The following DHX57 variants were observed in gnomAD, a reference collection of about 807,000 sequenced individuals.
DHX57 encodes the protein DExH-box helicase 57.
Under a neutral mutation model 156.2 loss-of-function variants are expected in DHX57, and 105 were observed. The ratio of observed to expected loss-of-function variants is 0.67; its 90% CI spans 0.57 to 0.79. The LOEUF is 0.79. DHX57 is among the 30% of genes least tolerant of loss of function. The pLI is 0.00. For synonymous variants in DHX57, 704 were observed against 595.6 expected (o/e 1.18, Z -2.65); for missense variants, 1,847 against 1,661.9 (o/e 1.11, Z -1.94).
At chr2:38,870,335 A>C (rs1276815300) in intron 1 of DHX57, among the ~76,000 whole-genome samples, 1 of 152,240 alleles carries the variant, frequency 6.6e-6, no homozygotes, top group African/African-American at 2.4e-5. Context: ...TGATTCATTA[A>C]AAATCAATAA....
chr2:38,818,762 T>C, intron 19 of DHX57, 115 bp downstream of exon 19: 2 of 1,219,396 alleles, frequency 1.6e-6, no homozygotes, highest in Middle Eastern at 2.0e-4. Flanking sequence ...AGGCCAAACA[T>C]ATTCCAGAAA....
At chr2:38,804,832 T>A (rs1669866073) in intron 22 of DHX57, among the ~76,000 whole-genome samples, 1 of 152,200 alleles carries the variant, frequency 6.6e-6, no homozygotes, top group Non-Finnish European at 1.5e-5. Context: ...TTGTTTCTCA[T>A]CCCGGAGTTC....
chr2:38,864,122 T>C (rs1193461805), intron 2 of DHX57, among the ~76,000 whole-genome samples: 1 of 151,936 alleles, frequency 6.6e-6, no homozygotes, highest in Non-Finnish European at 1.5e-5. Context: ...CTCTGCACTA[T>C]AGGACATGAA....
chr2:38,834,398 T>C (rs1382516288), intron 13 of DHX57, among the ~76,000 whole-genome samples: 1 of 150,858 alleles, frequency 6.6e-6, no homozygotes, highest in Admixed American at 6.6e-5. Flanking sequence ...TAATACAGTA[T>C]ACTACTGTAA....
intron 13 of DHX57, among the ~76,000 whole-genome samples, chr2:38,831,153 C>T (rs956362035): frequency 3.3e-5 from 5 of 151,578 alleles, no homozygotes; most frequent in Admixed American, 6.6e-5. Flanking sequence ...CATTAAACAA[C>T]GATGAAACAT....
intron 21 of DHX57, among the ~76,000 whole-genome samples, chr2:38,808,948 C>A (rs1196525973): frequency 6.6e-6 from 1 of 151,916 alleles, no homozygotes; most frequent in East Asian, 1.9e-4. Flanking sequence ...GGGATAGGGT[C>A]TCTCTGTGTT....
rs758018611 is a variant in DHX57 at position 38,798,058 on chromosome 2, C to T, written c.*241G>A. ...TCCAGAACAATCACAGAGACAAAGA[C>T]AGGCAAGCTGGGTTTTAGGCTCTCA... On this transcript the variant is annotated 3_prime_UTR_variant, in exon 24 of 24. Coordinates refer to ENST00000457308, the MANE Select transcript of DHX57 (RefSeq NM_198963.3). The T allele has an allele frequency of 4.7e-5, 19 of 403,680 alleles. No individual in the cohort carries two copies. The highest frequency in any genetic ancestry group is 8.2e-5 in the Non-Finnish European group (18 of 218,344). 25.0% of individuals were successfully genotyped at this position (403,680 alleles called of 1,614,324 possible).
intron 19 of DHX57, among the ~76,000 whole-genome samples, chr2:38,817,403 C>T (rs759698689): frequency 2.0e-5 from 3 of 152,172 alleles, no homozygotes; most frequent in Non-Finnish European, 2.9e-5. Context: ...AAACCTTCAT[C>T]TCCTGGGTTC....
chr2:38,826,810 C>T, intron 14 of DHX57, 121 bp from the exon 15 acceptor site: 1 of 1,076,764 alleles, frequency 9.3e-7, no homozygotes, highest in East Asian at 2.6e-5. Context: ...TCTCCACAAC[C>T]TGTCCTCAGA....
At chr2:38,862,999 A>G (rs1233179136) in intron 3 of DHX57, 1 of 173,002 alleles carries the variant, frequency 5.8e-6, no homozygotes, top group Admixed American at 5.9e-5. Context: ...GCAGACAGTC[A>G]TGACAAGCAA....
intron 13 of DHX57, among the ~76,000 whole-genome samples, chr2:38,835,755 G>A (rs867958275): frequency 1.6e-4 from 24 of 152,270 alleles, no homozygotes; most frequent in South Asian, 8.3e-4. Flanking sequence ...GAAAAAGTGC[G>A]AAAGCCATCA....
At chr2:38,875,366 T>C (rs1665558266) in intron 1 of DHX57, among the ~76,000 whole-genome samples, 1 of 152,112 alleles carries the variant, frequency 6.6e-6, no homozygotes, top group Non-Finnish European at 1.5e-5. Flanking sequence ...CTGATCACAA[T>C]ATATCCAGCT....
chr2:38,869,881 G>T (rs763395442), intron 1 of DHX57, among the ~76,000 whole-genome samples: 7 of 152,092 alleles, frequency 4.6e-5, no homozygotes, highest in Non-Finnish European at 8.8e-5. Context: ...AGATTTAACA[G>T]AAAAGGAGTT....
intron 5 of DHX57, among the ~76,000 whole-genome samples, chr2:38,860,353 G>T (rs763317155): frequency 6.6e-6 from 1 of 152,184 alleles, no homozygotes; most frequent in East Asian, 1.9e-4. Context: ...GGAGGCTGAG[G>T]CAGGAGAATC....
At position 38,852,192 on chromosome 2, in the gene DHX57, C is replaced by CA. The variant is rs1553333617; in HGVS notation, c.2030+1861_2030+1862insT. Among the ~76,000 whole-genome samples the CA allele has an allele frequency of 1.4e-3, 196 of 143,716 alleles. 1 individual carries two copies. The highest frequency in any genetic ancestry group is 9.8e-3 in the East Asian group (49 of 5,004). The allele number at this position is 143,716 out of a possible 152,430, so 94.3% of individuals were successfully genotyped here. On this transcript the variant is annotated intron_variant, in intron 9 of 23. Transcript: ENST00000457308. ...GTTATATGCCTTCTCTGTTCAATTC[C>CA]TTTTTTTTTTTTCTTGCTCTGTCGC...
At chr2:38,803,069 C>G in intron 22 of DHX57, 154 bp from the exon 23 acceptor site, 2 of 681,160 alleles carry the variant, frequency 2.9e-6, no homozygotes, top group Non-Finnish European at 4.9e-6. Flanking sequence ...TGCAGTATAA[C>G]TATTGACTTG....
chr2:38,822,770 A>G (rs1431757495), intron 17 of DHX57, among the ~76,000 whole-genome samples: 1 of 152,164 alleles, frequency 6.6e-6, no homozygotes, highest in Non-Finnish European at 1.5e-5. Context: ...GGATTGGATG[A>G]CATTGCTCCC....
chr2:38,859,275 CA>C (rs1198826057), intron 5 of DHX57, among the ~76,000 whole-genome samples: 1 of 152,120 alleles, frequency 6.6e-6, no homozygotes, highest in Non-Finnish European at 1.5e-5. Context: ...AAGCCCATCT[CA>C]AAAAGCTGCA....
intron 21 of DHX57, among the ~76,000 whole-genome samples, chr2:38,813,276 T>C (rs1670363582): frequency 6.6e-6 from 1 of 152,184 alleles, no homozygotes; most frequent in African/African-American, 2.4e-5. Context: ...TTTTGGAATA[T>C]CATATGTCAG....
Sources: gnomAD v4.1 joint callset for allele counts (sites outside exome capture counted in the v4.1 genomes callset) on GRCh38, gnomAD v4.1.1 for gene constraint, MANE v1.5 for transcripts, NCBI Gene and HGNC (gene_info 2026-07-23, HGNC 2026-07-21) for gene names.